LARP1B: variants seen among roughly 807,000 people sequenced by gnomAD.
The protein encoded by LARP1B is la-related protein 1B.
A neutral mutation model predicts 114.2 loss-of-function variants in LARP1B; 76 were observed. The observed-to-expected ratio is 0.67, with a 90% CI of 0.55 to 0.81. The LOEUF (loss-of-function observed/expected upper bound fraction) is 0.81. LARP1B is among the 30% of genes least tolerant of loss of function. The probability of loss-of-function intolerance (pLI) is 0.00; values close to 1 mark genes in which losing one functional copy is unlikely to be tolerated. For missense variants in LARP1B, 1,014 were observed against 1,075.8 expected (o/e 0.94, Z 0.80); for synonymous variants, 345 against 348.0 (o/e 0.99, Z 0.10).
intron 1 of LARP1B, among the ~76,000 whole-genome samples, chr4:128,065,081 A>G (rs1017616707): frequency 1.3e-5 from 2 of 152,050 alleles, no homozygotes; most frequent in African/African-American, 2.4e-5. Flanking sequence ...TACTAGTTGT[A>G]TGGTATGGTT....
At chr4:128,214,294 GC>G (rs1759360659), downstream of LARP1B, among the ~76,000 whole-genome samples, 1 of 148,476 alleles carries the variant, frequency 6.7e-6, no homozygotes, top group Non-Finnish European at 1.5e-5. Flanking sequence ...ACTGGGTGGA[GC>G]CCACCACAGC....
intron 11 of LARP1B, among the ~76,000 whole-genome samples, chr4:128,129,348 C>CAAAA (rs71587364): frequency 1.3e-4 from 14 of 109,992 alleles, no homozygotes; most frequent in East Asian, 1.1e-3. Flanking sequence ...GACTCCGTCT[C>CAAAA]AAAAAAAAAA....
chr4:128,092,826 G>A (rs192194694), intron 7 of LARP1B: 1 of 985,436 alleles, frequency 1.0e-6, no homozygotes, highest in East Asian at 1.1e-4. Context: ...GAAAGTGCTT[G>A]ACATGTGGCT....
chr4:128,063,844 T>A (rs531413411), intron 1 of LARP1B, among the ~76,000 whole-genome samples: 31 of 152,322 alleles, frequency 2.0e-4, no homozygotes, highest in African/African-American at 7.5e-4. Flanking sequence ...CTTGAACTTT[T>A]TATATGCAAA....
At chr4:128,201,252 A>G (rs912881586) in intron 17 of LARP1B, among the ~76,000 whole-genome samples, 1 of 152,210 alleles carries the variant, frequency 6.6e-6, no homozygotes, top group Non-Finnish European at 1.5e-5. Flanking sequence ...GTCCTGGTAC[A>G]GTATAGGAGG....
chr4:128,128,915 A>T (rs1790532145), intron 11 of LARP1B, among the ~76,000 whole-genome samples: 1 of 152,288 alleles, frequency 6.6e-6, no homozygotes, highest in South Asian at 2.1e-4. Flanking sequence ...CTGTAATCCC[A>T]GCACTTTGGG....
At chr4:128,110,179 G>C (rs181533719) in intron 9 of LARP1B, among the ~76,000 whole-genome samples, 155 of 152,218 alleles carry the variant, frequency 1.0e-3, no homozygotes, top group African/African-American at 3.5e-3. Context: ...GATTACAGGC[G>C]TGAGCCACTG....
chr4:128,158,722 C>G (rs1430748665), intron 11 of LARP1B, among the ~76,000 whole-genome samples: 1 of 152,016 alleles, frequency 6.6e-6, no homozygotes, highest in Non-Finnish European at 1.5e-5. Context: ...ATATACCTAC[C>G]AGGATGACTA....
chr4:128,183,220 T>C (rs1421117890), intron 15 of LARP1B, among the ~76,000 whole-genome samples: 1 of 152,186 alleles, frequency 6.6e-6, no homozygotes, highest in East Asian at 1.9e-4. Flanking sequence ...CAAAACAGCC[T>C]TCTATTGGGA....
chr4:128,140,363 A>G (rs1727462849), intron 11 of LARP1B, among the ~76,000 whole-genome samples: 1 of 152,248 alleles, frequency 6.6e-6, no homozygotes, highest in African/African-American at 2.4e-5. Flanking sequence ...AATGATTGCC[A>G]TACACATCTT....
chr4:128,155,735 A>T (rs772801191), intron 11 of LARP1B: 5 of 1,608,672 alleles, frequency 3.1e-6, no homozygotes, highest in Non-Finnish European at 4.2e-6. Flanking sequence ...GAGCGGAACA[A>T]GCTGGCTGCG....
intron 10 of LARP1B, among the ~76,000 whole-genome samples, chr4:128,118,949 C>T (rs1046421563): frequency 2.0e-5 from 3 of 149,484 alleles, no homozygotes; most frequent in Non-Finnish European, 3.0e-5. Flanking sequence ...AGTGTGATCT[C>T]GGCTCACTGT....
In LARP1B at chr4:128,108,891, GAAT is replaced by G. The variant is rs375961398; in HGVS notation, c.988+1581_988+1583del. The G allele has an allele frequency of 3.8e-5, 36 of 943,070 alleles. No homozygotes were observed. The East Asian group carries it at 5.8e-4, about 15-fold the overall frequency. The allele number at this position is 943,070 out of a possible 1,614,324, so 58.4% of individuals were successfully genotyped here. ...TTTATGCATACTAATAAAATTATAA[GAAT>G]AAAATCATAATGTTGTACATTTTTG... On this transcript the variant is annotated intron_variant, in intron 9 of 19. Coordinates refer to ENST00000326639, the MANE Select transcript of LARP1B (RefSeq NM_018078.4).
At chr4:128,190,534 G>C (rs1196153189) in intron 15 of LARP1B, among the ~76,000 whole-genome samples, 1 of 152,122 alleles carries the variant, frequency 6.6e-6, no homozygotes. Flanking sequence ...GGAGGTGATT[G>C]GATCATGGGG....
chr4:128,169,988 T>C (rs1581237443), intron 12 of LARP1B, among the ~76,000 whole-genome samples: 2 of 152,162 alleles, frequency 1.3e-5, no homozygotes, highest in South Asian at 4.1e-4. Flanking sequence ...TTCCACAAAT[T>C]TGATATGCTG....
intron 9 of LARP1B, chr4:128,107,560 T>G: frequency 1.5e-6 from 2 of 1,366,712 alleles, no homozygotes; most frequent in Non-Finnish European, 1.9e-6. Flanking sequence ...TACTTTGTCA[T>G]GTATGGAGTT....
rs540416225 is a variant in LARP1B, at chr4:128,203,534, C to T, written c.2309+2869C>T. ...CATCACAGGTGCCCACCACCACACC[C>T]GGCTAATTTTTGTATTTTTAGTAGA... On this transcript the variant is annotated intron_variant, in intron 17 of 19. Transcript: ENST00000326639. Among the ~76,000 whole-genome samples, 12 of 151,976 alleles carry T rather than the reference C, an allele frequency of 7.9e-5. No individual in the cohort carries two copies. In the South Asian group the frequency reaches 1.5e-3, roughly 18 times the overall value.
rs1354693746 is a variant in LARP1B, at chr4:128,100,964, CCT to C, written c.813+2635_813+2636del. Among the ~76,000 whole-genome samples, 9 of 150,648 alleles carry C rather than the reference CCT, an allele frequency of 6.0e-5. No homozygotes were observed. The East Asian group carries it at 1.8e-3, about 30-fold the overall frequency. ...TCCCGAGTAGCTGGGATTACAGGCG[CCT>C]GCCACCATGCCTGGCTAATTTTTGT... On this transcript the variant is annotated intron_variant, in intron 8 of 19. Transcript: ENST00000326639.
chr4:128,113,032 G>T (rs116058717), intron 9 of LARP1B, among the ~76,000 whole-genome samples: 2,764 of 152,232 alleles, frequency 0.018, 45 homozygotes, highest in Non-Finnish European at 0.026. Context: ...AAGATTGCTG[G>T]TGTTAATTTA....
Sources: allele counts gnomAD v4.1 joint callset (sites outside exome capture counted in the v4.1 genomes callset), GRCh38; gene constraint gnomAD v4.1.1; transcripts MANE v1.5; gene names NCBI Gene and HGNC (gene_info 2026-07-23, HGNC 2026-07-21).